Variants in FNTB observed in about 807,000 individuals in gnomAD.
The protein encoded by FNTB is farnesyltransferase, CAAX box, subunit beta.
A neutral mutation model predicts 59.4 loss-of-function variants in FNTB; 27 were observed. The observed-to-expected ratio is 0.45, with a 90% CI of 0.34 to 0.63. FNTB has a LOEUF of 0.63. Among genes scored for constraint, FNTB ranks in the 20% least tolerant of loss-of-function variants. The pLI is 0.02. For missense variants in FNTB, 449 were observed against 559.6 expected, an observed-to-expected ratio of 0.80 and a Z score of 1.99; for synonymous variants, 230 against 220.7, an observed-to-expected ratio of 1.04 and a Z score of -0.37.
chr14:65,010,985 A>G (rs959008768), intron 2 of FNTB, among the ~76,000 whole-genome samples: 8 of 151,876 alleles, frequency 5.3e-5, no homozygotes, highest in African/African-American at 1.9e-4. Flanking sequence ...TTTTCACACA[A>G]ACTTTCCTGA....
chr14:65,061,162 C>T lies in FNTB; in HGVS notation c.1183-19C>T, dbSNP rs758946474. Reference sequence around the variant, plus strand: ...GGACCACCGGGGTGATTAACTGGCACCTTTTCTTCTCTTTGCAGCAGCCCA... The same window carrying T: ...GGACCACCGGGGTGATTAACTGGCATCTTTTCTTCTCTTTGCAGCAGCCCA... On this transcript the variant is annotated intron_variant, in intron 11 of 11. Transcript: ENST00000246166. 6.2e-7 allele frequency: 1 copy of T among 1,613,426 alleles called. No individual in the cohort carries two copies. Among genetic ancestry groups the T allele is most frequent in the Non-Finnish European group, 8.5e-7 (1 of 1,179,608 alleles).
At chr14:65,049,082 G>A (rs965392035) in intron 9 of FNTB, among the ~76,000 whole-genome samples, 2 of 151,084 alleles carry the variant, frequency 1.3e-5, no homozygotes, top group African/African-American at 2.4e-5. Context: ...AGCTGAGATC[G>A]CGCCGTTGCA....
In FNTB at chr14:65,009,228, A is replaced by T. The variant is rs544372387; in HGVS notation, c.210-3089A>T. ...AGATGGGGTGCATTAAACCACAGAG[A>T]TTTATTTTTTCACATTTCTGGAGGC... On this transcript the variant is annotated intron_variant, in intron 2 of 11. Transcript: ENST00000246166. This position sits in a 1 kb window ranked among gnomAD's most constrained non-coding sequence, Gnocchi z 4.2. Among the ~76,000 whole-genome samples, 2 of 152,170 alleles carry T rather than the reference A, an allele frequency of 1.3e-5. No homozygotes were observed. The highest frequency in any genetic ancestry group is 4.1e-4 in the South Asian group (2 of 4,820).
intron 1 of FNTB, among the ~76,000 whole-genome samples, chr14:64,996,641 A>G (rs1487652735): frequency 6.6e-6 from 1 of 152,194 alleles, no homozygotes; most frequent in African/African-American, 2.4e-5. Context: ...GGGATGAGGT[A>G]TCACAAAACT....
At chr14:65,053,635 C>CAAAAA (rs1189039450) in intron 10 of FNTB, among the ~76,000 whole-genome samples, 1 of 146,974 alleles carries the variant, frequency 6.8e-6, no homozygotes, top group African/African-American at 2.6e-5. Flanking sequence ...TTAAAAAAAA[C>CAAAAA]AAAAAAAAAC....
chr14:65,009,316 C>G lies in FNTB; in HGVS notation c.210-3001C>G, dbSNP rs1195601776. ...CTCCTGAGGCTGCTGACTGGCTTCACCAACATGTTATATTTCTTAATTTCA... is the reference window on the plus strand; with the variant it reads ...CTCCTGAGGCTGCTGACTGGCTTCAGCAACATGTTATATTTCTTAATTTCA... On this transcript the variant is annotated intron_variant, in intron 2 of 11. Coordinates refer to ENST00000246166, the MANE Select transcript of FNTB (RefSeq NM_002028.4). The surrounding 1 kb of genome is among the most constrained non-coding windows in gnomAD (Gnocchi z 4.2). Among the ~76,000 whole-genome samples the G allele has an allele frequency of 6.6e-6, 1 of 152,124 alleles. No homozygotes were observed. Among genetic ancestry groups the G allele is most frequent in the Non-Finnish European group, 1.5e-5 (1 of 68,030 alleles).
chr14:64,993,111 C>T lies in FNTB; in HGVS notation c.144+6014C>T, dbSNP rs73268738. Among the ~76,000 whole-genome samples, 1,106 of 152,234 alleles carry T rather than the reference C, an allele frequency of 7.3e-3. 11 individuals carry two copies. Among genetic ancestry groups the T allele is most frequent in the African/African-American group, 0.02 (819 of 41,538 alleles). On this transcript the variant is annotated intron_variant, in intron 1 of 11. Transcript: ENST00000246166. ...CCCAAAGTACAGGCATGAGCCACCG[C>T]GCCCAGCTAAAATGATCTTTAAAAC...
chr14:65,048,717 T>C (rs991884513), intron 9 of FNTB, among the ~76,000 whole-genome samples: 2 of 151,696 alleles, frequency 1.3e-5, no homozygotes, highest in African/African-American at 4.8e-5. Context: ...TAACCAGACA[T>C]GGTGGCACAT....
chr14:65,003,222 A>T (rs1318037794), intron 1 of FNTB: 1 of 152,178 alleles, frequency 6.6e-6, no homozygotes, highest in African/African-American at 2.4e-5. Flanking sequence ...GTAGGACCAG[A>T]ATTTGCTATT....
intron 11 of FNTB, among the ~76,000 whole-genome samples, chr14:65,060,205 G>T (rs1419052954): frequency 6.7e-6 from 1 of 148,908 alleles, no homozygotes; most frequent in Non-Finnish European, 1.5e-5. Context: ...ATATAAAAAA[G>T]AAAATGAAAA....
chr14:65,013,617 G>A (rs1053985963), intron 3 of FNTB, among the ~76,000 whole-genome samples: 5 of 152,116 alleles, frequency 3.3e-5, no homozygotes, highest in African/African-American at 4.8e-5. Context: ...TGGCATGATC[G>A]TGAGTCACTG....
chr14:65,053,641 A>AAAAAAAAACAAAAAC (rs2062664660), intron 10 of FNTB, among the ~76,000 whole-genome samples: 1 of 152,152 alleles, frequency 6.6e-6, no homozygotes, highest in African/African-American at 2.4e-5. Flanking sequence ...AAAACAAAAA[A>AAAAAAAAACAAAAAC]AAACTGATCT....
At chr14:65,005,225 T>A (rs1594998076) in intron 2 of FNTB, among the ~76,000 whole-genome samples, 1 of 152,196 alleles carries the variant, frequency 6.6e-6, no homozygotes, top group Non-Finnish European at 1.5e-5. Flanking sequence ...TAGGAAAAAA[T>A]TTATTATTTA....
intron 9 of FNTB, among the ~76,000 whole-genome samples, chr14:65,049,615 A>G (rs1338034186): frequency 2.0e-5 from 3 of 152,170 alleles, no homozygotes; most frequent in African/African-American, 7.2e-5. Context: ...GAAACAGTCT[A>G]TAGTTTTTTA....
chr14:65,054,546 C>CGCCT lies in FNTB; in HGVS notation c.1068-26_1068-23dup. The stretch of plus-strand genomic sequence containing the variant: ...TGTAGATGTGTGCGGAGCAGAGGAG[C>CGCCT]GCCTGCTCAGAGCTGCCTGTCCTTA... On this transcript the variant is annotated intron_variant, in intron 10 of 11. Coordinates refer to ENST00000246166, the MANE Select transcript of FNTB (RefSeq NM_002028.4). This position sits in a 1 kb window ranked among gnomAD's most constrained non-coding sequence, Gnocchi z 4.4. 6.2e-7 allele frequency: 1 copy of CGCCT among 1,600,536 alleles called. No homozygotes were observed. The highest frequency in any genetic ancestry group is 8.5e-7 in the Non-Finnish European group (1 of 1,172,860).
Position 65,043,923 on chromosome 14 carries a change from G to A in FNTB, c.823-388G>A, listed in dbSNP as rs372521060. Among the ~76,000 whole-genome samples, 9 of 148,702 alleles carry A rather than the reference G, an allele frequency of 6.1e-5. No individual in the cohort carries two copies. The East Asian group carries it at 1.6e-3, about 26-fold the overall frequency. ...AAACTCCCCGGAGCAGGGAAGTAAT[G>A]AGAAATGAGCTACTGGTAGTCTTGC... is the stretch of plus-strand genomic sequence containing the variant. On this transcript the variant is annotated intron_variant, in intron 8 of 11. Coordinates refer to ENST00000246166, the MANE Select transcript of FNTB (RefSeq NM_002028.4).
rs1378828626 is a variant in FNTB, at chr14:65,011,513, A to C, written c.210-804A>C. Among the ~76,000 whole-genome samples the C allele has an allele frequency of 6.6e-6, 1 of 151,752 alleles. No homozygotes were observed. The highest frequency in any genetic ancestry group is 1.5e-5 in the Non-Finnish European group (1 of 67,982). Reference sequence around the variant, plus strand: ...GTGGGAATTTGATAAACAATTGTGGAATTGACTACCTAGCAAAGGGAATGG... The same window carrying C: ...GTGGGAATTTGATAAACAATTGTGGCATTGACTACCTAGCAAAGGGAATGG... On this transcript the variant is annotated intron_variant, in intron 2 of 11. Coordinates refer to ENST00000246166, the MANE Select transcript of FNTB (RefSeq NM_002028.4). This position sits in a 1 kb window ranked among gnomAD's most constrained non-coding sequence, Gnocchi z 4.0.
Position 65,054,474 on chromosome 14 carries a change from G to A in FNTB, c.1068-101G>A. 8.4e-7 allele frequency: 1 copy of A among 1,184,730 alleles called. No individual in the cohort carries two copies. The highest frequency in any genetic ancestry group is 1.2e-6 in the Non-Finnish European group (1 of 833,124). 73.4% of individuals were successfully genotyped at this position (1,184,730 alleles called of 1,614,324 possible). A position where few individuals can be genotyped will look rare whatever the true frequency, so the allele number is the denominator to read the frequency against. Reference sequence around the variant, plus strand: ...CCTCTAGCCACATGGAGGATGGGGGGGGACGTGTGATTGCACCAGTGGTCT... The same window carrying A: ...CCTCTAGCCACATGGAGGATGGGGGAGGACGTGTGATTGCACCAGTGGTCT... On this transcript the variant is annotated intron_variant, in intron 10 of 11. Transcript: ENST00000246166. This position sits in a 1 kb window ranked among gnomAD's most constrained non-coding sequence, Gnocchi z 4.4.
At chr14:65,048,926 A>C (rs1036667146) in intron 9 of FNTB, among the ~76,000 whole-genome samples, 41 of 152,246 alleles carry the variant, frequency 2.7e-4, no homozygotes, top group Admixed American at 5.9e-4. Flanking sequence ...GGAGTTCAAG[A>C]CCAGCCTGGC....
Sources: allele counts gnomAD v4.1 joint callset (sites outside exome capture counted in the v4.1 genomes callset), GRCh38; gene constraint gnomAD v4.1.1; non-coding constraint Gnocchi (gnomAD v3.1); transcripts MANE v1.5; gene names NCBI Gene and HGNC (gene_info 2026-07-23, HGNC 2026-07-21).